Variants in CALN1 observed in about 807,000 individuals in gnomAD.
CALN1 encodes the protein calneuron 1.
CALN1 carries 17 observed loss-of-function variants against 30.6 expected under a neutral mutation model. The ratio of observed to expected loss-of-function variants is 0.56; its 90% CI spans 0.38 to 0.83. The LOEUF is 0.83. CALN1 is among the 40% of genes least tolerant of loss of function. The probability of loss-of-function intolerance (pLI) is 0.00; values close to 1 mark genes in which losing one functional copy is unlikely to be tolerated. For missense variants in CALN1, 291 were observed against 354.9 expected, an observed-to-expected ratio of 0.82 and a Z score of 1.45; for synonymous variants, 156 against 131.4, an observed-to-expected ratio of 1.19 and a Z score of -1.28.
At chr7:72,454,747 C>T in the CALN1 span, among the ~76,000 whole-genome samples, 2 of 152,170 alleles carry the variant, frequency 1.3e-5, no homozygotes, top group Non-Finnish European at 2.9e-5. Context: ...TTTGTGCTAT[C>T]TTAGAAATAC....
chr7:72,304,444 G>A (rs188462811), intron 2 of CALN1, among the ~76,000 whole-genome samples: 3 of 152,226 alleles, frequency 2.0e-5, no homozygotes, highest in African/African-American at 7.2e-5. Flanking sequence ...GGAGTTCCAG[G>A]CCAGCCTGGG....
rs376538903 is a variant in CALN1 at position 72,088,763 on chromosome 7, G to T, written c.388+17388C>A. ...AAGGAAGGGAAGGAAGGAAGAGAAG[G>T]AAGAGAAGTAAGAGAAGGAAGGGAA... On this transcript the variant is annotated intron_variant, in intron 4 of 6. Coordinates refer to ENST00000395275, the MANE Select transcript of CALN1 (RefSeq NM_031468.4). Among the ~76,000 whole-genome samples, 15 of 109,176 alleles carry T rather than the reference G, an allele frequency of 1.4e-4. No homozygotes were observed. In the South Asian group the frequency reaches 4.0e-3, roughly 29 times the overall value. The allele number at this position is 109,176 out of a possible 152,430, so 71.6% of individuals were successfully genotyped here.
intron 5 of CALN1, among the ~76,000 whole-genome samples, chr7:71,815,153 T>C (rs1410936074): frequency 1.3e-5 from 2 of 152,142 alleles, no homozygotes; most frequent in African/African-American, 2.4e-5. Flanking sequence ...CAACTTTTTA[T>C]ATTATTGGTA....
chr7:71,977,690 G>C (rs1190899148), intron 5 of CALN1, among the ~76,000 whole-genome samples: 2 of 152,058 alleles, frequency 1.3e-5, no homozygotes, highest in African/African-American at 4.8e-5. Context: ...CCAGCACTTT[G>C]AGAGACTGAG....
intron 3 of CALN1, among the ~76,000 whole-genome samples, chr7:72,109,946 G>A (rs892010297): frequency 6.6e-6 from 1 of 152,206 alleles, no homozygotes; most frequent in Non-Finnish European, 1.5e-5. Flanking sequence ...CAGGACATAC[G>A]ATGCAACAGT....
intron 1 of CALN1, among the ~76,000 whole-genome samples, chr7:72,437,525 A>AGTGTGTGTGTGT (rs9297115): frequency 0.16 from 23,373 of 150,580 alleles, 1,863 homozygotes; most frequent in Non-Finnish European, 0.18. Context: ...AGTTGTGTGG[A>AGTGTGTGTGTGT]GTGTGTGTGT....
At chr7:71,944,814 T>G (rs1796324972) in intron 5 of CALN1, among the ~76,000 whole-genome samples, 1 of 152,170 alleles carries the variant, frequency 6.6e-6, no homozygotes, top group South Asian at 2.1e-4. Flanking sequence ...TTTGTGCTCA[T>G]GAAGAAATTG....
chr7:72,128,090 G>C (rs1227151909), intron 3 of CALN1, among the ~76,000 whole-genome samples: 1 of 152,044 alleles, frequency 6.6e-6, no homozygotes, highest in East Asian at 1.9e-4. Flanking sequence ...TATTTCTTAA[G>C]TGTGCACACC....
At chr7:71,840,969 A>C (rs201802636) in intron 5 of CALN1, among the ~76,000 whole-genome samples, 1 of 150,098 alleles carries the variant, frequency 6.7e-6, no homozygotes, top group Non-Finnish European at 1.5e-5. Context: ...AAAAAAAAAA[A>C]CCTTTTTAAA....
intron 5 of CALN1, among the ~76,000 whole-genome samples, chr7:71,829,678 C>A (rs935096352): frequency 1.3e-5 from 2 of 152,154 alleles, no homozygotes; most frequent in African/African-American, 4.8e-5. Context: ...CTGTGAATAG[C>A]CTCTAGAGTA....
At position 71,923,621 on chromosome 7, in the gene CALN1, T is replaced by C. The variant is rs561064813; in HGVS notation, c.501+100036A>G. On this transcript the variant is annotated intron_variant, in intron 5 of 6. Coordinates refer to ENST00000395275, the MANE Select transcript of CALN1 (RefSeq NM_031468.4). Reference sequence around the variant, plus strand: ...TAATTTAAATAAAGAGCTAGTTTATTGTTTTTCCTGGGTGCCAGGAAGATT... The same window carrying C: ...TAATTTAAATAAAGAGCTAGTTTATCGTTTTTCCTGGGTGCCAGGAAGATT... Among the ~76,000 whole-genome samples, 7 of 152,294 alleles carry C rather than the reference T, an allele frequency of 4.6e-5. No individual in the cohort carries two copies. The South Asian group carries it at 1.5e-3, about 32-fold the overall frequency.
At chr7:72,144,841 A>C (rs531460673) in intron 3 of CALN1, among the ~76,000 whole-genome samples, 1 of 152,332 alleles carries the variant, frequency 6.6e-6, no homozygotes, top group East Asian at 1.9e-4. Context: ...GCTCAACTAC[A>C]CGGAAACAAC....
intron 1 of CALN1, among the ~76,000 whole-genome samples, chr7:72,408,263 T>C (rs1439596618): frequency 6.8e-5 from 8 of 117,406 alleles, no homozygotes; most frequent in African/African-American, 2.4e-4. Context: ...TGAAACCCCA[T>C]CTCTATTAAA....
chr7:72,390,545 T>C (rs1805515558), intron 2 of CALN1, among the ~76,000 whole-genome samples: 1 of 152,148 alleles, frequency 6.6e-6, no homozygotes, highest in African/African-American at 2.4e-5. Context: ...GGTCCACAAA[T>C]TTGGATGGGA....
Position 72,060,646 on chromosome 7 carries a change from C to G in CALN1, c.389-36877G>C, listed in dbSNP as rs182418133. 5.6e-3 allele frequency among the ~76,000 whole-genome samples: 854 copies of G among 152,274 alleles called. 3 individuals carry two copies. The highest frequency in any genetic ancestry group is 0.02 in the African/African-American group (812 of 41,558). On this transcript the variant is annotated intron_variant, in intron 4 of 6. Coordinates refer to ENST00000395275, the MANE Select transcript of CALN1 (RefSeq NM_031468.4). ...TGAGCCCCAATGTTGAACTTGGGGC[C>G]TGTGGGAGATGTTGGATCATGGTGA... is the stretch of plus-strand genomic sequence containing the variant.
chr7:72,049,667 C>T (rs986563354), intron 4 of CALN1, among the ~76,000 whole-genome samples: 3 of 151,920 alleles, frequency 2.0e-5, no homozygotes, highest in Admixed American at 6.6e-5. Flanking sequence ...GCCACCACGC[C>T]CGGCTATTTT....
In CALN1 at chr7:72,277,119, T is replaced by C. The variant is rs73361112; in HGVS notation, c.244+1567A>G. On this transcript the variant is annotated intron_variant, in intron 3 of 6. Transcript: ENST00000395275. The stretch of plus-strand genomic sequence containing the variant: ...TGAACAGACCAAGACGCCACCCAAG[T>C]GACATCTATGAATCAGAAAGTGGCC... Among the ~76,000 whole-genome samples the C allele has an allele frequency of 9.3e-4, 139 of 149,702 alleles. 1 individual carries two copies. Among genetic ancestry groups the C allele is most frequent in the African/African-American group, 2.5e-3 (101 of 40,502 alleles).
chr7:72,347,014 G>A (rs987510491), intron 2 of CALN1, among the ~76,000 whole-genome samples: 1 of 152,090 alleles, frequency 6.6e-6, no homozygotes, highest in Non-Finnish European at 1.5e-5. Flanking sequence ...AGTAAGAGAG[G>A]ATTAGAGCAC....
At chr7:72,119,350 T>A (rs1203324680) in intron 3 of CALN1, among the ~76,000 whole-genome samples, 1 of 151,696 alleles carries the variant, frequency 6.6e-6, no homozygotes, top group Non-Finnish European at 1.5e-5. Context: ...AACTGTCAGA[T>A]CTCATGAGGC....
Sources: allele counts gnomAD v4.1 joint callset (sites outside exome capture counted in the v4.1 genomes callset), GRCh38; gene constraint gnomAD v4.1.1; transcripts MANE v1.5; gene names NCBI Gene and HGNC (gene_info 2026-07-23, HGNC 2026-07-21).